Variants in KCNQ5 observed in about 807,000 individuals in gnomAD.
KCNQ5 encodes the protein potassium voltage-gated channel subfamily KQT member 5.
A neutral mutation model predicts 98.2 loss-of-function variants in KCNQ5; 30 were observed. The ratio of observed to expected loss-of-function variants is 0.31; its 90% CI spans 0.23 to 0.41. KCNQ5 has a LOEUF of 0.41. Ranked by LOEUF, KCNQ5 falls within the 10% of genes least tolerant of loss-of-function variation. The pLI is 1.00. For missense variants in KCNQ5, 835 were observed against 1,182.5 expected (o/e 0.71, Z 4.31); for synonymous variants, 458 against 449.4 (o/e 1.02, Z -0.24).
At chr6:72,977,207 G>A (rs1185488392) in intron 1 of KCNQ5, among the ~76,000 whole-genome samples, 1 of 152,178 alleles carries the variant, frequency 6.6e-6, no homozygotes, top group Non-Finnish European at 1.5e-5. Context: ...TAGAGGAGAA[G>A]TAGTGAGGAT....
At chr6:73,193,393 C>T (rs974551170) in intron 13 of KCNQ5, among the ~76,000 whole-genome samples, 6 of 148,832 alleles carry the variant, frequency 4.0e-5, no homozygotes, top group South Asian at 4.2e-4. Flanking sequence ...TTTTGGAGGC[C>T]GAGGCGGGCA....
chr6:72,802,084 T>G (rs1424331899), intron 1 of KCNQ5, among the ~76,000 whole-genome samples: 1 of 152,052 alleles, frequency 6.6e-6, no homozygotes, highest in Non-Finnish European at 1.5e-5. Context: ...TCAACTTTGG[T>G]GAATCTGACA....
chr6:72,822,044 A>G (rs1775783618), intron 1 of KCNQ5, among the ~76,000 whole-genome samples: 1 of 151,996 alleles, frequency 6.6e-6, no homozygotes, highest in African/African-American at 2.4e-5. Context: ...TCTTTTCCCT[A>G]ATAACCTAGG....
Position 73,190,706 on chromosome 6 carries a change from TA to T in KCNQ5, c.1709+4del. On this transcript the variant is annotated splice_donor_region_variant and intron_variant, in intron 12 of 13. Transcript: ENST00000370398. ...TAGAATTAAAAGCCTTCAAACACGG[TA>T]AGCAATGGAAATGTCATTCCTTGTA... 6.5e-7 allele frequency: 1 copy of T among 1,537,914 alleles called. No homozygotes were observed. Among genetic ancestry groups the T allele is most frequent in the Non-Finnish European group, 8.8e-7 (1 of 1,139,506 alleles).
chr6:73,090,273 T>C (rs1263885118), intron 5 of KCNQ5, among the ~76,000 whole-genome samples: 1 of 152,126 alleles, frequency 6.6e-6, no homozygotes, highest in African/African-American at 2.4e-5. Context: ...TTTTTTCATG[T>C]TGATTTGTTT....
intron 1 of KCNQ5, among the ~76,000 whole-genome samples, chr6:72,691,248 G>A (rs923291748): frequency 6.6e-6 from 1 of 152,178 alleles, no homozygotes; most frequent in Non-Finnish European, 1.5e-5. Flanking sequence ...AAGTTGGAAT[G>A]TATAGTTCTA....
chr6:72,817,110 C>T lies in KCNQ5; in HGVS notation c.399-186798C>T, dbSNP rs201468507. Among the ~76,000 whole-genome samples, 51 of 152,266 alleles carry T rather than the reference C, an allele frequency of 3.3e-4. 1 individual carries two copies. In the East Asian group the frequency reaches 9.6e-3, roughly 29 times the overall value. On this transcript the variant is annotated intron_variant, in intron 1 of 13. Coordinates refer to ENST00000370398, the MANE Select transcript of KCNQ5 (RefSeq NM_019842.4). ...AGACAAAATGAACATTTGCCTACTT[C>T]TACAACCAAGAAGGGATATATGGAA...
At chr6:72,999,631 C>G (rs1435040437) in intron 1 of KCNQ5, among the ~76,000 whole-genome samples, 1 of 152,156 alleles carries the variant, frequency 6.6e-6, no homozygotes, top group Non-Finnish European at 1.5e-5. Flanking sequence ...GCCATGGGCC[C>G]TTCAGCAATC....
chr6:72,879,492 T>C (rs1352160735), intron 1 of KCNQ5, among the ~76,000 whole-genome samples: 1 of 152,214 alleles, frequency 6.6e-6, no homozygotes, highest in Non-Finnish European at 1.5e-5. Context: ...TAAATGATGT[T>C]TCATATTCTA....
At chr6:73,128,797 G>C (rs1280158211) in intron 9 of KCNQ5, among the ~76,000 whole-genome samples, 2 of 152,140 alleles carry the variant, frequency 1.3e-5, no homozygotes, top group Admixed American at 1.3e-4. Context: ...CTGTGAGACT[G>C]TTGTAAAGAT....
intron 1 of KCNQ5, among the ~76,000 whole-genome samples, chr6:72,773,900 T>C (rs911403738): frequency 2.6e-5 from 4 of 151,940 alleles, no homozygotes; most frequent in African/African-American, 9.7e-5. Flanking sequence ...GTAGTATTGG[T>C]GAGAGGTTAG....
At chr6:72,746,217 T>TATTTGCAGG (rs60476504) in intron 1 of KCNQ5, among the ~76,000 whole-genome samples, 38,706 of 151,552 alleles carry the variant, frequency 0.26, 7,182 homozygotes, top group African/African-American at 0.53. Flanking sequence ...TTTAGCATTC[T>TATTTGCAGG]ATTCTGTGGG....
At chr6:73,161,312 A>T (rs544542258) in intron 10 of KCNQ5, among the ~76,000 whole-genome samples, 109 of 152,344 alleles carry the variant, frequency 7.2e-4, no homozygotes, top group African/African-American at 2.5e-3. Context: ...TGGGAAGAGA[A>T]GTTGGAAATT....
At position 72,921,562 on chromosome 6, in the gene KCNQ5, A is replaced by G. The variant is rs565141040; in HGVS notation, c.399-82346A>G. Reference sequence around the variant, plus strand: ...GGAGCTGCTACTTACTAGTTGTATGACGTTGCTTGCATGAGAGATTCTCTT... The same window carrying G: ...GGAGCTGCTACTTACTAGTTGTATGGCGTTGCTTGCATGAGAGATTCTCTT... On this transcript the variant is annotated intron_variant, in intron 1 of 13. Transcript: ENST00000370398. Among the ~76,000 whole-genome samples the G allele has an allele frequency of 3.3e-5, 5 of 152,288 alleles. No individual in the cohort carries two copies. In the South Asian group the frequency reaches 1.0e-3, roughly 32 times the overall value.
At chr6:72,701,291 T>C (rs1260314698) in intron 1 of KCNQ5, among the ~76,000 whole-genome samples, 2 of 152,204 alleles carry the variant, frequency 1.3e-5, no homozygotes, top group Admixed American at 1.3e-4. Context: ...GAAACTTACA[T>C]AACGTTTAAG....
At chr6:72,788,241 A>G (rs545657532) in intron 1 of KCNQ5, among the ~76,000 whole-genome samples, 29 of 152,370 alleles carry the variant, frequency 1.9e-4, no homozygotes, top group African/African-American at 7.0e-4. Context: ...ATGATTTATT[A>G]TAAAATGTGC....
rs1189137122 is a variant in KCNQ5 at position 72,658,559 on chromosome 6, G to GATATATATATATATATATAT, written c.398+35973_398+35992dup. ...GCCTCCCAAAGTGCTGGGATTAAAG[G>GATATATATATATATATATAT]ATATATATATATATATATATTTTTT... On this transcript the variant is annotated intron_variant, in intron 1 of 13. Coordinates refer to ENST00000370398, the MANE Select transcript of KCNQ5 (RefSeq NM_019842.4). Among the ~76,000 whole-genome samples the GATATATATATATATATATAT allele has an allele frequency of 1.9e-4, 17 of 88,428 alleles. 1 individual carries two copies. The highest frequency in any genetic ancestry group is 1.1e-3 in the African/African-American group (16 of 14,888). The allele number at this position is 88,428 out of a possible 152,430, so 58.0% of individuals were successfully genotyped here.
intron 1 of KCNQ5, among the ~76,000 whole-genome samples, chr6:72,760,530 A>C (rs1204210787): frequency 6.6e-6 from 1 of 151,876 alleles, no homozygotes; most frequent in Non-Finnish European, 1.5e-5. Flanking sequence ...GAGGGGGTTC[A>C]TGAACATAGA....
chr6:72,667,081 G>A (rs571741778), intron 1 of KCNQ5, among the ~76,000 whole-genome samples: 2 of 151,932 alleles, frequency 1.3e-5, no homozygotes, highest in South Asian at 4.2e-4. Context: ...CAAAGAAGAT[G>A]TGAGAAACAG....
Sources: allele counts gnomAD v4.1 joint callset (sites outside exome capture counted in the v4.1 genomes callset), GRCh38; gene constraint gnomAD v4.1.1; transcripts MANE v1.5; gene names NCBI Gene and HGNC (gene_info 2026-07-23, HGNC 2026-07-21).